ZBTB40: variants seen among roughly 807,000 people sequenced by gnomAD.
ZBTB40 encodes zinc finger and BTB domain-containing protein 40.
ZBTB40 carries 60 observed loss-of-function variants against 117.5 expected under a neutral mutation model. That is an observed-to-expected ratio of 0.51 (90% CI 0.41 to 0.63). The LOEUF is 0.63. Among genes scored for constraint, ZBTB40 ranks in the 30% least tolerant of loss-of-function variants. ZBTB40 has a pLI of 0.00. For synonymous variants in ZBTB40, 525 were observed against 577.1 expected (o/e 0.91, Z 1.29); for missense variants, 1,287 against 1,498.5 (o/e 0.86, Z 2.33).
chr1:22,484,620 G>A (rs1198151155), intron 1 of ZBTB40, among the ~76,000 whole-genome samples: 1 of 152,132 alleles, frequency 6.6e-6, no homozygotes, highest in African/African-American at 2.4e-5. Flanking sequence ...TTCCCAATCA[G>A]TATACCTTCT....
At chr1:22,493,616 C>T (rs1051035072) in intron 3 of ZBTB40, among the ~76,000 whole-genome samples, 6 of 152,230 alleles carry the variant, frequency 3.9e-5, no homozygotes, top group African/African-American at 1.2e-4. Context: ...CTTCTTGTCC[C>T]TGTGTACTAC....
chr1:22,497,693 A>G (rs116625857), intron 3 of ZBTB40, among the ~76,000 whole-genome samples: 4,176 of 152,274 alleles, frequency 0.027, 221 homozygotes, highest in African/African-American at 0.096. Context: ...TGGTAAGTCT[A>G]ATAGAACCCA....
chr1:22,463,272 GT>G lies in ZBTB40; in HGVS notation c.-70+11269del, dbSNP rs533774888. Among the ~76,000 whole-genome samples the G allele has an allele frequency of 1.1e-4, 17 of 152,260 alleles. No homozygotes were observed. The East Asian group carries it at 3.1e-3, about 28-fold the overall frequency. ...ATAGCCGCTGGCATCACAGTGCCTG[GT>G]GTGTTACTCTTTAGTTGCCAGGGCC... On this transcript the variant is annotated intron_variant, in intron 1 of 17. Transcript: ENST00000375647.
At chr1:22,488,595 A>G (rs1638538108) in intron 1 of ZBTB40, among the ~76,000 whole-genome samples, 1 of 152,184 alleles carries the variant, frequency 6.6e-6, no homozygotes, top group Non-Finnish European at 1.5e-5. Context: ...TCAGAGCAGA[A>G]TGGGTGAGGG....
chr1:22,431,384 G>GTATGTATA (rs1553128041), intron 1 of ZBTB40, among the ~76,000 whole-genome samples: 6 of 119,708 alleles, frequency 5.0e-5, no homozygotes, highest in African/African-American at 1.9e-4. Context: ...GTGTGTGTGT[G>GTATGTATA]TATATATATA....
chr1:22,442,439 TCGC>T (rs1640744137), intron 1 of ZBTB40, among the ~76,000 whole-genome samples: 3 of 150,026 alleles, frequency 2.0e-5, no homozygotes, highest in African/African-American at 7.4e-5. Flanking sequence ...GGGTTGTTTG[TCGC>T]CACAGTCAGA....
intron 4 of ZBTB40, 124 bp downstream of exon 4, chr1:22,501,808 A>G (rs993731774): frequency 9.0e-7 from 1 of 1,112,018 alleles, no homozygotes; most frequent in Non-Finnish European, 1.3e-6. Context: ...TAAGTTTCAC[A>G]TGTAAATTCC....
intron 1 of ZBTB40, among the ~76,000 whole-genome samples, chr1:22,482,793 C>T (rs1188262559): frequency 1.3e-5 from 2 of 152,078 alleles, no homozygotes; most frequent in Admixed American, 6.6e-5. Flanking sequence ...CATTTAAGGC[C>T]GGGTGCGGTG....
intron 9 of ZBTB40, among the ~76,000 whole-genome samples, chr1:22,510,816 C>T (rs573475021): frequency 2.0e-5 from 3 of 152,252 alleles, no homozygotes; most frequent in East Asian, 1.9e-4. Context: ...ACAGACACAC[C>T]GACGACCAAA....
At chr1:22,524,780 G>A (rs953716397) in intron 17 of ZBTB40, among the ~76,000 whole-genome samples, 3 of 152,210 alleles carry the variant, frequency 2.0e-5, no homozygotes, top group Non-Finnish European at 4.4e-5. Context: ...GTTGGGCAGG[G>A]ACTGCCTGCA....
Position 22,521,154 on chromosome 1 carries a change from A to G in ZBTB40, c.3049-342A>G, listed in dbSNP as rs117930238. 9.2e-4 allele frequency among the ~76,000 whole-genome samples: 140 copies of G among 152,320 alleles called. 3 individuals carry two copies. In the East Asian group the frequency reaches 0.024, roughly 26 times the overall value. Reference sequence around the variant, plus strand: ...CCTGGGCCTGAATCCTGGTCCTGCTATCTCCTGATGTTATGATTAGTCATT... The same window carrying G: ...CCTGGGCCTGAATCCTGGTCCTGCTGTCTCCTGATGTTATGATTAGTCATT... On this transcript the variant is annotated intron_variant, in intron 14 of 17. Transcript: ENST00000375647.
intron 1 of ZBTB40, chr1:22,452,943 ATAAG>A (rs1237917970): frequency 6.6e-6 from 1 of 152,310 alleles, no homozygotes; most frequent in East Asian, 1.9e-4. Context: ...ACGACGCTTT[ATAAG>A]TAAGTATGGT....
intron 15 of ZBTB40, among the ~76,000 whole-genome samples, 157 bp from the exon 16 acceptor site, chr1:22,522,220 G>T (rs989554803): frequency 1.3e-5 from 2 of 152,172 alleles, no homozygotes; most frequent in Non-Finnish European, 2.9e-5. Flanking sequence ...TTTACCACTA[G>T]ATTGTACAAA....
At chr1:22,511,593 C>G (rs1639235630) in intron 10 of ZBTB40, 83 bp from the exon 11 acceptor site, 9 of 1,458,032 alleles carry the variant, frequency 6.2e-6, no homozygotes, top group Non-Finnish European at 8.4e-6. Flanking sequence ...TCTCTAGTCT[C>G]CTGTAAGAAG....
intron 1 of ZBTB40, among the ~76,000 whole-genome samples, chr1:22,437,203 G>A (rs1287324578): frequency 1.3e-5 from 2 of 152,064 alleles, no homozygotes. Flanking sequence ...GAAACAGACA[G>A]GTGGATACAG....
At chr1:22,449,936 A>G (rs76771670), upstream of ZBTB40, among the ~76,000 whole-genome samples, 2,127 of 139,744 alleles carry the variant, frequency 0.015, 54 homozygotes, top group African/African-American at 0.054. Context: ...TTAATTCGAT[A>G]AATATTTCTC....
chr1:22,499,918 C>G (rs1482644807), intron 3 of ZBTB40, among the ~76,000 whole-genome samples: 1 of 152,210 alleles, frequency 6.6e-6, no homozygotes, highest in Admixed American at 6.5e-5. Flanking sequence ...TATTCATGAG[C>G]TCCTTTAGTG....
chr1:22,468,643 C>CTTTTTTT (rs71020424), intron 1 of ZBTB40, among the ~76,000 whole-genome samples: 4 of 28,608 alleles, frequency 1.4e-4, no homozygotes, highest in East Asian at 2.5e-3. Flanking sequence ...GCCTGGCTGG[C>CTTTTTTT]TTTTTTTTTT....
chr1:22,464,570 C>G (rs569532147), intron 1 of ZBTB40, among the ~76,000 whole-genome samples: 45 of 152,268 alleles, frequency 3.0e-4, no homozygotes, highest in African/African-American at 1.1e-3. Flanking sequence ...CCCCACCTGT[C>G]TGGGATTTTA....
Sources: gnomAD v4.1 joint callset for allele counts (sites outside exome capture counted in the v4.1 genomes callset) on GRCh38, gnomAD v4.1.1 for gene constraint, MANE v1.5 for transcripts, NCBI Gene and HGNC (gene_info 2026-07-23, HGNC 2026-07-21) for gene names.